The following CYP7B1 variants were observed in gnomAD, a reference collection of about 807,000 sequenced individuals.
CYP7B1 encodes the protein cytochrome P450 7B1.
CYP7B1 carries 29 observed loss-of-function variants against 42.7 expected under a neutral mutation model. The ratio of observed to expected loss-of-function variants is 0.68; its 90% confidence interval spans 0.51 to 0.93. The LOEUF is 0.93. Ranked by LOEUF, CYP7B1 falls within the 40% of genes least tolerant of loss-of-function variation. The probability of loss-of-function intolerance (pLI) is 0.00; values close to 1 mark genes in which losing one functional copy is unlikely to be tolerated. For synonymous variants in CYP7B1, 235 were observed against 218.2 expected (o/e 1.08, Z -0.68); for missense variants, 655 against 600.5 (o/e 1.09, Z -0.95).
chr8:64,679,813 T>A (rs35107809), intron 1 of CYP7B1, among the ~76,000 whole-genome samples: 16,212 of 152,258 alleles, frequency 0.11, 1,145 homozygotes, highest in Non-Finnish European at 0.16. Context: ...GAAACCATCA[T>A]AACAATTAAT....
At chr8:64,635,375 A>G (rs1293789195) in intron 1 of CYP7B1, among the ~76,000 whole-genome samples, 1 of 152,236 alleles carries the variant, frequency 6.6e-6, no homozygotes, top group Non-Finnish European at 1.5e-5. Context: ...TCTGCTTCAC[A>G]GCAAATAAAT....
In CYP7B1 at chr8:64,685,200, C is replaced by G. The variant is rs941288224; in HGVS notation, c.123-60661G>C. On this transcript the variant is annotated intron_variant, in intron 1 of 5. Transcript: ENST00000310193. Reference sequence around the variant, plus strand: ...GGGAGGCAGCGGCTGGAGGAGCGGACGGGCCCCGCGGGGCCCGAGGGCAAG... The same window carrying G: ...GGGAGGCAGCGGCTGGAGGAGCGGAGGGGCCCCGCGGGGCCCGAGGGCAAG... 2.0e-5 allele frequency among the ~76,000 whole-genome samples: 3 copies of G among 151,370 alleles called. No individual in the cohort carries two copies. In the South Asian group the frequency reaches 6.3e-4, roughly 32 times the overall value.
chr8:64,707,868 A>G (rs1476980706), intron 1 of CYP7B1, among the ~76,000 whole-genome samples: 1 of 152,086 alleles, frequency 6.6e-6, no homozygotes, highest in Non-Finnish European at 1.5e-5. Context: ...ATCAAAGTAT[A>G]CTCTCTGGAA....
chr8:64,763,057 G>A (rs866840163), intron 1 of CYP7B1, among the ~76,000 whole-genome samples: 3 of 151,748 alleles, frequency 2.0e-5, no homozygotes, highest in Non-Finnish European at 3.0e-5. Context: ...GTTATGGCTC[G>A]AGCTGAGCTT....
At chr8:64,695,904 G>A (rs1806820567) in intron 1 of CYP7B1, among the ~76,000 whole-genome samples, 1 of 151,910 alleles carries the variant, frequency 6.6e-6, no homozygotes, top group South Asian at 2.1e-4. Context: ...ATGTTTTCAA[G>A]TACTTCAAAT....
At chr8:64,614,932 T>A in intron 4 of CYP7B1, 94 bp downstream of exon 4, 1 of 1,188,668 alleles carries the variant, frequency 8.4e-7, no homozygotes, top group South Asian at 1.2e-5. Context: ...ATTAGGCAGC[T>A]GTGTCCTCTA....
chr8:64,682,365 A>AT (rs1304997246), intron 1 of CYP7B1, among the ~76,000 whole-genome samples: 2 of 152,204 alleles, frequency 1.3e-5, no homozygotes, highest in Non-Finnish European at 2.9e-5. Flanking sequence ...GCAAGTGTGC[A>AT]TTTTTTAAAG....
At chr8:64,771,047 CTTTTTTTTTTTTTTTTTTT>C (rs757503820) in intron 1 of CYP7B1, among the ~76,000 whole-genome samples, 1 of 42,504 alleles carries the variant, frequency 2.4e-5, no homozygotes, top group East Asian at 8.2e-4. Context: ...ATATCAGCAT[CTTTTTTTTTTTTTTTTTTT>C]TTTTTTTTTT....
At chr8:64,752,534 A>G (rs1807744586) in intron 1 of CYP7B1, among the ~76,000 whole-genome samples, 1 of 152,026 alleles carries the variant, frequency 6.6e-6, no homozygotes, top group Non-Finnish European at 1.5e-5. Flanking sequence ...ATATGCTAGT[A>G]ATGAGGAAAG....
chr8:64,741,155 C>T (rs369627804), intron 1 of CYP7B1, among the ~76,000 whole-genome samples: 18 of 141,140 alleles, frequency 1.3e-4, no homozygotes, highest in Admixed American at 9.0e-4. Context: ...GTCCCCTTCA[C>T]TACTCCCATA....
rs16931334 is a variant in CYP7B1, at chr8:64,591,813, C to A, written c.*4829G>T. On this transcript the variant is annotated 3_prime_UTR_variant, in exon 6 of 6. Coordinates refer to ENST00000310193, the MANE Select transcript of CYP7B1 (RefSeq NM_004820.5). ...TTAGTTTCTGCTGAGTGTTTCATTA[C>A]GTTGGTCATTGATATAAAACAATAT... Among the ~76,000 whole-genome samples, 188 of 152,046 alleles carry A rather than the reference C, an allele frequency of 1.2e-3. No homozygotes were observed. Among genetic ancestry groups the A allele is most frequent in the Non-Finnish European group, 2.4e-3 (164 of 67,968 alleles).
chr8:64,736,909 G>A (rs1807497270), intron 1 of CYP7B1, among the ~76,000 whole-genome samples: 1 of 152,016 alleles, frequency 6.6e-6, no homozygotes, highest in African/African-American at 2.4e-5. Context: ...AATACTTGAG[G>A]CTGAACTGTA....
intron 1 of CYP7B1, among the ~76,000 whole-genome samples, chr8:64,749,487 C>T (rs1246792449): frequency 1.3e-5 from 2 of 152,120 alleles, no homozygotes; most frequent in Non-Finnish European, 2.9e-5. Flanking sequence ...TGATGGCAAG[C>T]TGGACTGAGG....
At position 64,669,724 on chromosome 8, in the gene CYP7B1, CAT is replaced by C. The variant is rs757305980; in HGVS notation, c.123-45187_123-45186del. 8.3e-3 allele frequency among the ~76,000 whole-genome samples: 1,112 copies of C among 134,008 alleles called. 7 individuals are homozygous for C. Among genetic ancestry groups the C allele is most frequent in the South Asian group, 0.023 (83 of 3,564 alleles). The allele number at this position is 134,008 out of a possible 152,430, so 87.9% of individuals were successfully genotyped here. A position where few individuals can be genotyped will look rare whatever the true frequency, so the allele number is the denominator to read the frequency against. ...AGGGAGGGAATGAAGGTTTTACATA[CAT>C]ACACACACACACACACACACATACA... On this transcript the variant is annotated intron_variant, in intron 1 of 5. Coordinates refer to ENST00000310193, the MANE Select transcript of CYP7B1 (RefSeq NM_004820.5).
chr8:64,630,634 T>C (rs926050949), intron 1 of CYP7B1, among the ~76,000 whole-genome samples: 1 of 152,246 alleles, frequency 6.6e-6, no homozygotes, highest in Non-Finnish European at 1.5e-5. Flanking sequence ...CTCTTCATCC[T>C]TCAACACATC....
chr8:64,618,947 A>C (rs1172027086), intron 2 of CYP7B1, among the ~76,000 whole-genome samples: 1 of 151,990 alleles, frequency 6.6e-6, no homozygotes, highest in African/African-American at 2.4e-5. Context: ...TGTTTTACCT[A>C]CTATCTTTTT....
rs779033268 is a variant in CYP7B1, at chr8:64,616,031, TA to T, written c.509del (p.Leu170Ter). Reference sequence around the variant, plus strand: ...CTGCCGTGTCCCAACTTGTGGTTTTTAACAGCTGGGGTTCAAAAACTTGTTT... The same window carrying T: ...CTGCCGTGTCCCAACTTGTGGTTTTTACAGCTGGGGTTCAAAAACTTGTTT... ...NLKQVFEPQLLKTTSWDTAEL... is the reference protein window; with the variant it reads ...NLKQVFEPQLXKTTSWDTAEL... On this transcript the variant is annotated frameshift_variant, in exon 3 of 6. Coordinates refer to ENST00000310193, the MANE Select transcript of CYP7B1 (RefSeq NM_004820.5). LOFTEE classifies it high-confidence loss of function. 6.2e-7 allele frequency: 1 copy of T among 1,613,782 alleles called. No individual in the cohort carries two copies. The highest frequency in any genetic ancestry group is 8.5e-7 in the Non-Finnish European group (1 of 1,179,828).
intron 1 of CYP7B1, among the ~76,000 whole-genome samples, chr8:64,668,402 G>T (rs1448578290): frequency 6.6e-6 from 1 of 151,660 alleles, no homozygotes; most frequent in African/African-American, 2.4e-5. Context: ...ACTATATGAG[G>T]CTCATATTTT....
rs967550657 is a variant in CYP7B1, at chr8:64,616,416, C to T, written c.260-135G>A. The T allele has an allele frequency of 2.6e-5, 17 of 661,226 alleles. No homozygotes were observed. In the African/African-American group the frequency reaches 2.7e-4, roughly 11 times the overall value. 41.0% of individuals were successfully genotyped at this position (661,226 alleles called of 1,614,324 possible). On this transcript the variant is annotated intron_variant, in intron 2 of 5. Transcript: ENST00000310193. ...TAAGGCAAAAAGTTTAATACAAATCCATTTCATTCGAAGGTACACTACATG... is the reference window on the plus strand; with the variant it reads ...TAAGGCAAAAAGTTTAATACAAATCTATTTCATTCGAAGGTACACTACATG...
Sources: allele counts gnomAD v4.1 joint callset (sites outside exome capture counted in the v4.1 genomes callset), GRCh38; gene constraint gnomAD v4.1.1; transcripts MANE v1.5; gene names NCBI Gene and HGNC (gene_info 2026-07-23, HGNC 2026-07-21).